PBX3: variants seen among roughly 807,000 people sequenced by gnomAD.
PBX3 encodes pre-B-cell leukemia transcription factor 3.
Under a neutral mutation model 48.5 loss-of-function variants are expected in PBX3, and 14 were observed. The observed-to-expected ratio is 0.29, with a 90% CI of 0.19 to 0.45. PBX3 has a LOEUF of 0.45. PBX3 is among the 20% of genes least tolerant of loss of function. PBX3 has a pLI of 1.00. For synonymous variants in PBX3, 210 were observed against 200.3 expected (o/e 1.05, Z -0.41); for missense variants, 386 against 546.7 (o/e 0.71, Z 2.93).
intron 2 of PBX3, among the ~76,000 whole-genome samples, chr9:125,845,770 C>T (rs1378164156): frequency 6.6e-6 from 1 of 151,958 alleles, no homozygotes; most frequent in Non-Finnish European, 1.5e-5. Flanking sequence ...AGCTTTGCCA[C>T]CACTAAGCTT....
chr9:125,923,377 T>C (rs1841495844), intron 3 of PBX3, among the ~76,000 whole-genome samples: 1 of 152,220 alleles, frequency 6.6e-6, no homozygotes. Flanking sequence ...TTGTTGGAAT[T>C]AACAGTGTTA....
chr9:125,851,613 A>G (rs1000449535), intron 2 of PBX3, among the ~76,000 whole-genome samples: 2 of 152,146 alleles, frequency 1.3e-5, no homozygotes, highest in African/African-American at 4.8e-5. Flanking sequence ...ACATTTTAAC[A>G]CATATCAAAT....
At chr9:125,770,461 G>A (rs375381421) in intron 2 of PBX3, among the ~76,000 whole-genome samples, 2 of 152,220 alleles carry the variant, frequency 1.3e-5, no homozygotes, top group South Asian at 4.1e-4. Flanking sequence ...AAAAAATCTT[G>A]TATTACCTTG....
intron 2 of PBX3, among the ~76,000 whole-genome samples, chr9:125,869,675 G>T (rs563320378): frequency 2.0e-5 from 3 of 152,212 alleles, no homozygotes; most frequent in Non-Finnish European, 4.4e-5. Context: ...TGGAGCATGG[G>T]CAAAATAAAG....
At chr9:125,773,681 T>C (rs1836998994) in intron 2 of PBX3, among the ~76,000 whole-genome samples, 1 of 152,090 alleles carries the variant, frequency 6.6e-6, no homozygotes, top group Admixed American at 6.5e-5. Context: ...TGAGTGGTCG[T>C]TTTCCACCTG....
At chr9:125,919,501 G>A (rs946165350) in intron 3 of PBX3, among the ~76,000 whole-genome samples, 9 of 151,426 alleles carry the variant, frequency 5.9e-5, no homozygotes, top group Non-Finnish European at 1.2e-4. Flanking sequence ...GAGCCACCGC[G>A]CCTGGCCAAA....
chr9:125,891,980 C>T (rs1840656459), intron 2 of PBX3, among the ~76,000 whole-genome samples: 1 of 152,114 alleles, frequency 6.6e-6, no homozygotes, highest in African/African-American at 2.4e-5. Flanking sequence ...GATGCATTGG[C>T]GTGATCTCGG....
chr9:125,848,775 A>G (rs964931760), intron 2 of PBX3, among the ~76,000 whole-genome samples: 1 of 152,014 alleles, frequency 6.6e-6, no homozygotes, highest in African/African-American at 2.4e-5. Context: ...ACCTGCCCTT[A>G]TGGAACTTAC....
At chr9:125,860,606 A>G (rs1839836660) in intron 2 of PBX3, among the ~76,000 whole-genome samples, 1 of 152,134 alleles carries the variant, frequency 6.6e-6, no homozygotes, top group African/African-American at 2.4e-5. Flanking sequence ...GATGTTCACC[A>G]TTGGCCAGGT....
chr9:125,807,112 C>T (rs1838147082), intron 2 of PBX3, among the ~76,000 whole-genome samples: 1 of 152,188 alleles, frequency 6.6e-6, no homozygotes, highest in South Asian at 2.1e-4. Flanking sequence ...CACTTGAGGC[C>T]AGGAGTTTGA....
At chr9:125,926,233 A>T (rs1053570237) in intron 3 of PBX3, among the ~76,000 whole-genome samples, 31 of 152,214 alleles carry the variant, frequency 2.0e-4, no homozygotes, top group African/African-American at 6.3e-4. Flanking sequence ...TAAATTGATA[A>T]TATAGGCCAG....
intron 2 of PBX3, chr9:125,843,750 C>T (rs1839350181): frequency 2.2e-6 from 1 of 453,450 alleles, no homozygotes; most frequent in African/African-American, 2.0e-5. Context: ...AGGTCATAAG[C>T]TGAGCTCAGT....
chr9:125,794,700 GTTTT>G (rs367765267), intron 2 of PBX3, among the ~76,000 whole-genome samples: 1 of 143,278 alleles, frequency 7.0e-6, no homozygotes, highest in East Asian at 2.0e-4. Flanking sequence ...ACTCATGGCT[GTTTT>G]TTTTTTTTTT....
At chr9:125,889,423 T>C (rs545602131) in intron 2 of PBX3, among the ~76,000 whole-genome samples, 1 of 152,332 alleles carries the variant, frequency 6.6e-6, no homozygotes, top group South Asian at 2.1e-4. Flanking sequence ...AGAAATCTCG[T>C]TCCTAAAGGA....
chr9:125,958,698 AC>A (rs1458281414), intron 5 of PBX3, among the ~76,000 whole-genome samples: 1 of 152,212 alleles, frequency 6.6e-6, no homozygotes, highest in Non-Finnish European at 1.5e-5. Context: ...TTCCTCTTAG[AC>A]CCATTGAATT....
At chr9:125,771,566 C>T (rs568543943) in intron 2 of PBX3, among the ~76,000 whole-genome samples, 2 of 152,224 alleles carry the variant, frequency 1.3e-5, no homozygotes, top group African/African-American at 4.8e-5. Context: ...TAAGGTTACT[C>T]TCCTTGCATG....
intron 3 of PBX3, among the ~76,000 whole-genome samples, chr9:125,917,682 A>G (rs1841364991): frequency 6.6e-6 from 1 of 152,176 alleles, no homozygotes; most frequent in Non-Finnish European, 1.5e-5. Flanking sequence ...TCTGGATACA[A>G]TGGTATTAAG....
intron 2 of PBX3, among the ~76,000 whole-genome samples, chr9:125,863,912 A>G (rs1288733682): frequency 6.6e-6 from 1 of 152,144 alleles, no homozygotes; most frequent in Non-Finnish European, 1.5e-5. Flanking sequence ...TTATTCTTGA[A>G]ATTTGAGAAG....
chr9:125,859,508 A>G (rs1383643499), intron 2 of PBX3, among the ~76,000 whole-genome samples: 1 of 152,222 alleles, frequency 6.6e-6, no homozygotes, highest in East Asian at 1.9e-4. Context: ...GTCTTCTTAG[A>G]ATAGCCTTAT....
Sources: allele counts gnomAD v4.1 joint callset (sites outside exome capture counted in the v4.1 genomes callset), GRCh38; gene constraint gnomAD v4.1.1; transcripts MANE v1.5; gene names NCBI Gene and HGNC (gene_info 2026-07-23, HGNC 2026-07-21).